UNC5B: variants seen among roughly 807,000 people sequenced by gnomAD.
UNC5B encodes the protein netrin receptor UNC5B.
Under a neutral mutation model 103.7 loss-of-function variants are expected in UNC5B, and 56 were observed. The observed-to-expected ratio is 0.54, with a 90% CI of 0.44 to 0.67. UNC5B has a LOEUF of 0.67. UNC5B is among the 30% of genes least tolerant of loss of function. The pLI is 0.00. For missense variants in UNC5B, 1,194 were observed against 1,284.5 expected, an observed-to-expected ratio of 0.93 and a Z score of 1.08; for synonymous variants, 577 against 542.0, an observed-to-expected ratio of 1.06 and a Z score of -0.90.
rs145744964 is a variant in UNC5B at position 71,288,671 on chromosome 10, C to T, written c.1005C>T (p.Gly335=). The T allele has an allele frequency of 1.3e-5, 21 of 1,613,666 alleles. No homozygotes were observed. The highest frequency in any genetic ancestry group is 1.8e-5 in the Non-Finnish European group (21 of 1,179,992). ...TGGCGCCCCCACCCCAGAACGGAGG[C>T]CGTGACTGCAGCGGGACGCTGCTCG... is the stretch of plus-strand genomic sequence containing the variant. ...ECMAPPPQNG[G]RDCSGTLLDS... is the part of the protein sequence containing the mutation. The change falls in exon 7 of 17, where the codon GGC becomes GGT. Residue 335 remains glycine (G), a synonymous_variant. Transcript: ENST00000335350.
chr10:71,289,253 G>T (rs1057333608), intron 8 of UNC5B, among the ~76,000 whole-genome samples: 1 of 152,236 alleles, frequency 6.6e-6, no homozygotes, highest in African/African-American at 2.4e-5. Flanking sequence ...CACAGAGAGA[G>T]GAAGGGACTT....
rs147417133 is a variant in UNC5B, at chr10:71,228,736, G to A, written c.79+15672G>A. On this transcript the variant is annotated intron_variant, in intron 1 of 16. Transcript: ENST00000335350. Reference sequence around the variant, plus strand: ...AGTTGTGGAGGGGGCTTGAGCACCCGAGGGGCACCCACGGGGCCTCCTCTG... The same window carrying A: ...AGTTGTGGAGGGGGCTTGAGCACCCAAGGGGCACCCACGGGGCCTCCTCTG... Among the ~76,000 whole-genome samples, 30 of 152,350 alleles carry A rather than the reference G, an allele frequency of 2.0e-4. No homozygotes were observed. The East Asian group carries it at 2.3e-3, about 12-fold the overall frequency.
chr10:71,275,712 G>T (rs148334306), intron 1 of UNC5B, among the ~76,000 whole-genome samples: 3,729 of 151,980 alleles, frequency 0.025, 64 homozygotes, highest in Non-Finnish European at 0.038. Flanking sequence ...CAACTCATAG[G>T]CTTGTGGTTC....
In UNC5B at chr10:71,293,884, A is replaced by T; in HGVS notation, c.2126A>T (p.Glu709Val). 1.2e-6 allele frequency: 2 copies of T among 1,606,660 alleles called. No homozygotes were observed. Among genetic ancestry groups the T allele is most frequent in the Non-Finnish European group, 1.7e-6 (2 of 1,179,726 alleles). The part of the protein sequence containing the change: ...VFAPALCTSL[E>V]YSLRVYCLED... ...GCCCCCGCCCTCTGCACCTCCCTGG[A>T]GTACAGCCTCCGGGTCTACTGCCTG... Residue 709 changes from glutamate (E) to valine (V), a missense_variant, in exon 13 of 17, where the codon GAG becomes GTG. Transcript: ENST00000335350.
chr10:71,284,663 G>A, intron 2 of UNC5B, 57 bp from the exon 3 acceptor site: 1 of 1,606,004 alleles, frequency 6.2e-7, no homozygotes, highest in Non-Finnish European at 8.5e-7. Flanking sequence ...GGGGTGTCCT[G>A]TGCCTCACAT....
At chr10:71,244,011 G>C (rs757746398) in intron 1 of UNC5B, among the ~76,000 whole-genome samples, 3 of 152,186 alleles carry the variant, frequency 2.0e-5, no homozygotes, top group Admixed American at 6.6e-5. Flanking sequence ...TCTGCACCTG[G>C]GTGTGTCTGT....
intron 1 of UNC5B, among the ~76,000 whole-genome samples, chr10:71,219,084 A>G (rs915988041): frequency 1.3e-5 from 2 of 152,190 alleles, no homozygotes; most frequent in South Asian, 4.1e-4. Context: ...AGGGAGGCCT[A>G]TAGGAAAATC....
chr10:71,230,376 G>T (rs1843658538), intron 1 of UNC5B, among the ~76,000 whole-genome samples: 1 of 152,214 alleles, frequency 6.6e-6, no homozygotes, highest in Admixed American at 6.5e-5. Context: ...AAGACAGGCA[G>T]TCCCTAGCCT....
At chr10:71,241,193 G>A (rs988510390) in intron 1 of UNC5B, among the ~76,000 whole-genome samples, 3 of 152,194 alleles carry the variant, frequency 2.0e-5, no homozygotes, top group African/African-American at 7.2e-5. Flanking sequence ...CCTAGCTCCA[G>A]ACCTCCCAGG....
chr10:71,260,157 G>A (rs1386080947), intron 1 of UNC5B, among the ~76,000 whole-genome samples: 6 of 152,240 alleles, frequency 3.9e-5, no homozygotes, highest in Non-Finnish European at 7.3e-5. Flanking sequence ...ACTGCCCAAG[G>A]GGGTGGCTTC....
At chr10:71,263,830 G>T (rs996230135) in intron 1 of UNC5B, among the ~76,000 whole-genome samples, 1 of 152,118 alleles carries the variant, frequency 6.6e-6, no homozygotes, top group Admixed American at 6.5e-5. Context: ...AGCCACAGGG[G>T]TGCCCAGTAA....
At chr10:71,292,137 G>T (rs574323611) in intron 10 of UNC5B, among the ~76,000 whole-genome samples, 90 of 152,334 alleles carry the variant, frequency 5.9e-4, no homozygotes, top group Non-Finnish European at 1.0e-3. Context: ...GGAACTAGCA[G>T]CAGAGGGACA....
At chr10:71,218,993 C>T (rs1172295259) in intron 1 of UNC5B, among the ~76,000 whole-genome samples, 2 of 152,146 alleles carry the variant, frequency 1.3e-5, no homozygotes, top group African/African-American at 4.8e-5. Context: ...GTCACAGAAG[C>T]GCTTACCTGC....
In UNC5B at chr10:71,295,980, A is replaced by T. The variant is rs1366762433; in HGVS notation, c.2325+20A>T. The stretch of plus-strand genomic sequence containing the variant: ...TACCAGGTGAGGGCTGGGCTGATGG[A>T]TGGGGAGGGGCACCACTTAAGGGCT... On this transcript the variant is annotated intron_variant, in intron 14 of 16. Transcript: ENST00000335350. 4.3e-6 allele frequency: 7 copies of T among 1,612,100 alleles called. No homozygotes were observed. Among genetic ancestry groups the T allele is most frequent in the Non-Finnish European group, 5.9e-6 (7 of 1,179,946 alleles).
At position 71,279,952 on chromosome 10, in the gene UNC5B, G is replaced by T; in HGVS notation, c.211G>T (p.Ala71Ser). 6.2e-7 allele frequency: 1 copy of T among 1,613,982 alleles called. No individual in the cohort carries two copies. Among genetic ancestry groups the T allele is most frequent in the Non-Finnish European group, 8.5e-7 (1 of 1,180,000 alleles). Residue 71 changes from alanine (A) to serine (S), a missense_variant, in exon 2 of 17, where the codon GCC becomes TCC. Ala to Ser is a moderately conservative substitution (Grantham distance 99). Coordinates refer to ENST00000335350, the MANE Select transcript of UNC5B (RefSeq NM_170744.5). ...KNKPVELRCR[A>S]FPATQIYFKC... is the part of the protein sequence containing the mutation. Reference sequence around the variant, plus strand: ...CAAGCCTGTGGAGCTCCGCTGCCGCGCCTTCCCCGCCACACAGATCTACTT... The same window carrying T: ...CAAGCCTGTGGAGCTCCGCTGCCGCTCCTTCCCCGCCACACAGATCTACTT...
At chr10:71,274,986 C>T (rs1589185154) in intron 1 of UNC5B, among the ~76,000 whole-genome samples, 1 of 152,344 alleles carries the variant, frequency 6.6e-6, no homozygotes, top group South Asian at 2.1e-4. Context: ...GAGAGACTGA[C>T]TTGGCCAACC....
rs761507800 is a variant in UNC5B, at chr10:71,286,820, G to A, written c.684G>A (p.Lys228=). ...CTGCCAACTATACCTGCGTGGCCAA[G>A]AACATCGTGGCCAAACGCCGGAGCA... ...SDTANYTCVA[K]NIVAKRRSTT... The change falls in exon 5 of 17, where the codon AAG becomes AAA. Residue 228 remains lysine (K), a synonymous_variant. Transcript: ENST00000335350. 6.8e-6 allele frequency: 11 copies of A among 1,614,068 alleles called. No homozygotes were observed. Among genetic ancestry groups the A allele is most frequent in the Non-Finnish European group, 8.5e-6 (10 of 1,180,036 alleles).
In UNC5B at chr10:71,233,107, AG is replaced by A. The variant is rs147851219; in HGVS notation, c.79+20046del. Among the ~76,000 whole-genome samples the A allele has an allele frequency of 3.4e-3, 511 of 152,328 alleles. 3 individuals are homozygous for A. Among genetic ancestry groups the A allele is most frequent in the African/African-American group, 0.011 (477 of 41,572 alleles). ...CTGATGGCCTAAATGCCAAGAGAAC[AG>A]GGATCAAGGACCAGTGTGCCCTGTG... is the stretch of plus-strand genomic sequence containing the variant. On this transcript the variant is annotated intron_variant, in intron 1 of 16. Transcript: ENST00000335350.
Position 71,269,345 on chromosome 10 carries a change from C to CCCG in UNC5B, c.80-10474_80-10473insGCC, listed in dbSNP as rs1393832588. On this transcript the variant is annotated intron_variant, in intron 1 of 16. Transcript: ENST00000335350. ...AAAAAAAGTTTAGAAAAATGAAGTC[C>CCCG]CCCCCCCACAACTTCTCCTTTCCTG... Among the ~76,000 whole-genome samples, 6 of 139,356 alleles carry CCCG rather than the reference C, an allele frequency of 4.3e-5. 1 individual carries two copies. The South Asian group carries it at 8.1e-4, about 19-fold the overall frequency. The allele number at this position is 139,356 out of a possible 152,430, so 91.4% of individuals were successfully genotyped here.
Sources: gnomAD v4.1 joint callset for allele counts (sites outside exome capture counted in the v4.1 genomes callset) on GRCh38, gnomAD v4.1.1 for gene constraint, MANE v1.5 for transcripts, NCBI Gene and HGNC (gene_info 2026-07-23, HGNC 2026-07-21) for gene names.